The following ABCC2 variants were observed in gnomAD, a reference collection of about 807,000 sequenced individuals.
ABCC2 encodes the protein ATP binding cassette subfamily C member 2.
Under a neutral mutation model 173.4 loss-of-function variants are expected in ABCC2, and 157 were observed. The ratio of observed to expected loss-of-function variants is 0.91; its 90% CI spans 0.80 to 1.03. The LOEUF (loss-of-function observed/expected upper bound fraction) is 1.03. Among genes scored for constraint, ABCC2 ranks in the 50% least tolerant of loss-of-function variants. The probability of loss-of-function intolerance (pLI) is 0.00; values close to 1 mark genes in which losing one functional copy is unlikely to be tolerated. For missense variants in ABCC2, 1,822 were observed against 1,852.3 expected (o/e 0.98, Z 0.30); for synonymous variants, 657 against 693.5 (o/e 0.95, Z 0.83).
chr10:99,805,912 CA>C (rs1248460003), intron 11 of ABCC2, among the ~76,000 whole-genome samples: 1 of 151,872 alleles, frequency 6.6e-6, no homozygotes, highest in Non-Finnish European at 1.5e-5. Context: ...ATCATACCTA[CA>C]AAAAAAATTA....
chr10:99,787,480 G>A (rs1471383035), intron 2 of ABCC2, among the ~76,000 whole-genome samples: 1 of 151,678 alleles, frequency 6.6e-6, no homozygotes, highest in Admixed American at 6.6e-5. Context: ...GTCTCGTTCT[G>A]TCGCCCAGGC....
intron 1 of ABCC2, among the ~76,000 whole-genome samples, chr10:99,783,104 T>C (rs1254105770): frequency 1.3e-5 from 2 of 152,222 alleles, no homozygotes; most frequent in Non-Finnish European, 2.9e-5. Context: ...ATCAGACTCT[T>C]GTACTAGCTA....
At chr10:99,792,147 T>C (rs2037820376) in intron 2 of ABCC2, 87 bp from the exon 3 acceptor site, 2 of 1,551,364 alleles carry the variant, frequency 1.3e-6, no homozygotes, top group Admixed American at 1.7e-5. Flanking sequence ...GCATACCGCT[T>C]TTCCTATCCA....
chr10:99,844,322 GCA>G lies in ABCC2; in HGVS notation c.3846_3847del (p.Pro1283LeufsTer4). The G allele has an allele frequency of 6.2e-7, 1 of 1,614,122 alleles. No homozygotes were observed. Among genetic ancestry groups the G allele is most frequent in the Non-Finnish European group, 8.5e-7 (1 of 1,180,032 alleles). Reference protein sequence around the residue: ...ITEYTKVENEAPWVTDKRPPP... With the variant: ...ITEYTKVENEXPWVTDKRPPP... ...ACTTCTCATCTTGTCTCCTTGCCAG[GCA>G]CCCTGGGTGACTGATAAGAGGCCTC... On this transcript the variant is annotated frameshift_variant and splice_region_variant, in exon 28 of 32. Coordinates refer to ENST00000647814, the MANE Select transcript of ABCC2 (RefSeq NM_000392.5). LOFTEE classifies it high-confidence loss of function.
intron 9 of ABCC2, among the ~76,000 whole-genome samples, chr10:99,803,535 T>A (rs1376286085): frequency 1.3e-5 from 2 of 152,196 alleles, no homozygotes; most frequent in Non-Finnish European, 2.9e-5. Context: ...CTCTACTATG[T>A]GCCACATAAT....
intron 1 of ABCC2, among the ~76,000 whole-genome samples, chr10:99,783,226 C>T (rs1290119056): frequency 1.3e-5 from 2 of 152,102 alleles, no homozygotes; most frequent in Non-Finnish European, 2.9e-5. Context: ...AGAGAAGATC[C>T]GTGACTGAGT....
chr10:99,813,259 C>T (rs937113771), intron 16 of ABCC2, 115 bp downstream of exon 16: 19 of 1,360,146 alleles, frequency 1.4e-5, no homozygotes, highest in East Asian at 5.1e-5. Flanking sequence ...TGGAGACATC[C>T]GATAGATTTG....
chr10:99,835,096 C>T (rs55672373), intron 24 of ABCC2, among the ~76,000 whole-genome samples: 8,254 of 152,184 alleles, frequency 0.054, 252 homozygotes, highest in Middle Eastern at 0.19. Flanking sequence ...GAAACTGGAA[C>T]GAGTGGAAGG....
chr10:99,834,419 C>T lies in ABCC2; in HGVS notation c.3298C>T (p.Arg1100Cys), dbSNP rs142715085. The T allele has an allele frequency of 7.3e-4, 1,177 of 1,614,120 alleles. 2 individuals are homozygous for T. Among genetic ancestry groups the T allele is most frequent in the Middle Eastern group, 2.5e-3 (15 of 6,062 alleles). Reference sequence around the variant, plus strand: ...GGATGACACCCTGCCTCAGTCCTTGCGCAGCTGGATTACATGCTTCCTGGG... The same window carrying T: ...GGATGACACCCTGCCTCAGTCCTTGTGCAGCTGGATTACATGCTTCCTGGG... ...TVDDTLPQSL[R>C]SWITCFLGII... The change falls in exon 24 of 32, where the codon CGC (arginine) becomes TGC (cysteine). Residue 1100 changes from arginine to cysteine, a missense_variant. By Grantham distance (180) the Arg-to-Cys change is radical. Coordinates refer to ENST00000647814, the MANE Select transcript of ABCC2 (RefSeq NM_000392.5).
intron 30 of ABCC2, among the ~76,000 whole-genome samples, chr10:99,850,050 C>A (rs772359641): frequency 1.3e-5 from 2 of 152,164 alleles, no homozygotes; most frequent in African/African-American, 4.8e-5. Context: ...AAGCAGAAGG[C>A]CTTGAACAAA....
At chr10:99,794,112 A>G (rs942497782) in intron 5 of ABCC2, 113 bp downstream of exon 5, 2 of 977,424 alleles carry the variant, frequency 2.0e-6, no homozygotes, top group Non-Finnish European at 3.1e-6. Flanking sequence ...AGAATAAGGT[A>G]GTACAGACCA....
intron 10 of ABCC2, among the ~76,000 whole-genome samples, chr10:99,804,848 A>G (rs568456004): frequency 1.3e-5 from 2 of 152,350 alleles, no homozygotes; most frequent in South Asian, 4.1e-4. Flanking sequence ...TTCTCTGAGA[A>G]CACAGCAGTG....
intron 2 of ABCC2, among the ~76,000 whole-genome samples, chr10:99,790,661 G>A (rs185585623): frequency 3.5e-4 from 53 of 152,236 alleles, no homozygotes; most frequent in African/African-American, 1.2e-3. Flanking sequence ...CGCCTATGAA[G>A]CTACATTTTT....
At chr10:99,828,555 G>A (rs2133106459) in intron 19 of ABCC2, among the ~76,000 whole-genome samples, 2 of 152,272 alleles carry the variant, frequency 1.3e-5, no homozygotes. Flanking sequence ...CGGTGGTTTG[G>A]TGATCTTTGT....
intron 26 of ABCC2, among the ~76,000 whole-genome samples, chr10:99,842,954 G>A (rs2038968097): frequency 6.6e-6 from 1 of 151,980 alleles, no homozygotes; most frequent in Non-Finnish European, 1.5e-5. Context: ...TGGGGAGGCT[G>A]AGGCAGGAGA....
intron 19 of ABCC2, among the ~76,000 whole-genome samples, chr10:99,821,207 G>T (rs556631144): frequency 3.9e-5 from 6 of 152,252 alleles, no homozygotes; most frequent in African/African-American, 1.4e-4. Context: ...CTGCCTGCTT[G>T]TCCCACCTCC....
chr10:99,786,722 C>T (rs770977577), intron 2 of ABCC2, among the ~76,000 whole-genome samples: 4 of 150,508 alleles, frequency 2.7e-5, no homozygotes, highest in African/African-American at 4.9e-5. Context: ...CAAAAACATT[C>T]GGCTGGGCAT....
intron 19 of ABCC2, among the ~76,000 whole-genome samples, chr10:99,827,707 T>G (rs1291909600): frequency 1.3e-5 from 2 of 151,534 alleles, no homozygotes; most frequent in African/African-American, 4.9e-5. Context: ...TGAAATAGCT[T>G]GATTAGATTT....
chr10:99,834,150 G>A (rs1008648267), intron 23 of ABCC2, among the ~76,000 whole-genome samples: 1 of 152,156 alleles, frequency 6.6e-6, no homozygotes, highest in Non-Finnish European at 1.5e-5. Context: ...GCAAAGTGCT[G>A]GGATTACAGG....
Sources: gnomAD v4.1 joint callset for allele counts (sites outside exome capture counted in the v4.1 genomes callset) on GRCh38, gnomAD v4.1.1 for gene constraint, MANE v1.5 for transcripts, NCBI Gene and HGNC (gene_info 2026-07-23, HGNC 2026-07-21) for gene names.